The following ELF2 variants were observed in gnomAD, a reference collection of about 807,000 sequenced individuals.
The protein encoded by ELF2 is E74 like ETS transcription factor 2.
Under a neutral mutation model 54.8 loss-of-function variants are expected in ELF2, and 11 were observed. The observed-to-expected ratio is 0.20, with a 90% CI of 0.13 to 0.33. The LOEUF is 0.33. ELF2 is among the 10% of genes least tolerant of loss of function. The pLI, the probability that ELF2 is intolerant of heterozygous loss-of-function variation, is 1.00. For missense variants in ELF2, 513 were observed against 703.0 expected (o/e 0.73, Z 3.06); for synonymous variants, 203 against 245.1 (o/e 0.83, Z 1.61).
intron 7 of ELF2, chr4:139,066,756 G>A (rs891605583): frequency 4.0e-5 from 6 of 151,758 alleles, no homozygotes; most frequent in African/African-American, 1.2e-4. Flanking sequence ...AGCTGGGTGC[G>A]GTGGTGTGTG....
chr4:139,135,808 C>T (rs1307420711), intron 3 of ELF2, among the ~76,000 whole-genome samples: 1 of 152,158 alleles, frequency 6.6e-6, no homozygotes, highest in Non-Finnish European at 1.5e-5. Context: ...TATAAGACTA[C>T]CACATAAATC....
chr4:139,176,520 T>C (rs1216760908), intron 1 of ELF2, among the ~76,000 whole-genome samples: 1 of 150,920 alleles, frequency 6.6e-6, no homozygotes, highest in Non-Finnish European at 1.5e-5. Flanking sequence ...CAGGACGCGC[T>C]TCCTCCGGAG....
intron 1 of ELF2, among the ~76,000 whole-genome samples, chr4:139,142,574 C>T (rs866262711): frequency 6.6e-6 from 1 of 152,066 alleles, no homozygotes; most frequent in Non-Finnish European, 1.5e-5. Context: ...ACAGCAGAAA[C>T]GGGGGTCAGT....
At chr4:139,157,496 G>C (rs1740668890) in intron 1 of ELF2, among the ~76,000 whole-genome samples, 1 of 152,018 alleles carries the variant, frequency 6.6e-6, no homozygotes, top group South Asian at 2.1e-4. Flanking sequence ...CAACCTCCTG[G>C]GCTCAAGCAA....
intron 1 of ELF2, among the ~76,000 whole-genome samples, chr4:139,149,938 T>C (rs1366485954): frequency 3.3e-5 from 5 of 152,274 alleles, no homozygotes; most frequent in Middle Eastern, 3.4e-3. Context: ...CTCACACCTC[T>C]AGTCACAGCA....
intron 4 of ELF2, among the ~76,000 whole-genome samples, chr4:139,106,655 A>G (rs1464615294): frequency 6.6e-6 from 1 of 151,724 alleles, no homozygotes. Context: ...TATATCTGTC[A>G]CTAGATCTCA....
At chr4:139,121,836 CTA>C (rs1213246408) in intron 4 of ELF2, among the ~76,000 whole-genome samples, 2 of 152,154 alleles carry the variant, frequency 1.3e-5, no homozygotes, top group African/African-American at 2.4e-5. Flanking sequence ...TTGGTTTCTC[CTA>C]TACAATTTAA....
intron 2 of ELF2, 45 bp downstream of exon 2, chr4:139,139,368 C>CTA: frequency 1.0e-6 from 1 of 998,720 alleles, no homozygotes; most frequent in Admixed American, 4.3e-5. Flanking sequence ...ATATAAGGTA[C>CTA]TATTCCCAAT....
At chr4:139,174,220 AAAG>A (rs1318513775) in intron 1 of ELF2, among the ~76,000 whole-genome samples, 8 of 150,174 alleles carry the variant, frequency 5.3e-5, no homozygotes, top group Non-Finnish European at 5.9e-5. Flanking sequence ...AAAAAAAAAA[AAAG>A]AAAGAAAGAA....
chr4:139,169,784 G>A (rs1308571220), intron 1 of ELF2, among the ~76,000 whole-genome samples: 1 of 151,682 alleles, frequency 6.6e-6, no homozygotes, highest in Non-Finnish European at 1.5e-5. Context: ...GTGAACCCGG[G>A]AGGCGGAGCT....
intron 4 of ELF2, among the ~76,000 whole-genome samples, chr4:139,086,306 C>T (rs1439261272): frequency 1.3e-5 from 2 of 151,932 alleles, no homozygotes; most frequent in African/African-American, 4.8e-5. Flanking sequence ...GTCAAGAAAA[C>T]CGTAAGAAAA....
At chr4:139,175,957 C>T (rs995343592) in intron 1 of ELF2, among the ~76,000 whole-genome samples, 4 of 152,112 alleles carry the variant, frequency 2.6e-5, no homozygotes, top group African/African-American at 9.7e-5. Flanking sequence ...CTTGGTGTCA[C>T]GGAATATTTT....
At chr4:139,090,610 C>T (rs1732462388) in intron 4 of ELF2, among the ~76,000 whole-genome samples, 1 of 152,082 alleles carries the variant, frequency 6.6e-6, no homozygotes, top group Non-Finnish European at 1.5e-5. Flanking sequence ...CTTTTTTATT[C>T]TTGAGACAGG....
Position 139,137,630 on chromosome 4 carries a change from C to T in ELF2, c.72G>A (p.Glu24=). 1 of 1,613,558 alleles carries T rather than the reference C, an allele frequency of 6.2e-7. No individual in the cohort carries two copies. The highest frequency in any genetic ancestry group is 2.2e-5 in the East Asian group (1 of 44,842). ...ELSSNGVENQ[E]ESEKVSEYPA... is the part of the protein sequence containing the mutation. ...AAATGTAATTCATTGAATGCCTAAC[C>T]TCTTGATTTTCTACTCCATTGCTGG... The change falls in exon 3 of 10, where the codon GAG becomes GAA. Residue 24 remains glutamate (E), a splice_region_variant and synonymous_variant. Transcript: ENST00000686138.
chr4:139,117,394 T>C (rs567504580), intron 4 of ELF2, among the ~76,000 whole-genome samples: 7 of 152,214 alleles, frequency 4.6e-5, no homozygotes, highest in Admixed American at 6.5e-5. Flanking sequence ...TTCCAATTTT[T>C]TCCATTAAGC....
At chr4:139,151,048 G>GA (rs1231430491) in intron 1 of ELF2, among the ~76,000 whole-genome samples, 1 of 81,680 alleles carries the variant, frequency 1.2e-5, no homozygotes, top group African/African-American at 3.6e-5. Flanking sequence ...AAGAAAGAAA[G>GA]AAAGAAAGAA....
At chr4:139,160,932 C>G (rs1741071857) in intron 1 of ELF2, among the ~76,000 whole-genome samples, 1 of 151,984 alleles carries the variant, frequency 6.6e-6, no homozygotes, top group Non-Finnish European at 1.5e-5. Context: ...CACTGCAGTC[C>G]AGCTTCGGCA....
At chr4:139,108,911 C>T (rs1734685250) in intron 4 of ELF2, among the ~76,000 whole-genome samples, 1 of 152,140 alleles carries the variant, frequency 6.6e-6, no homozygotes, top group Non-Finnish European at 1.5e-5. Flanking sequence ...AGTATGCTTC[C>T]TGCCCCGTGT....
At chr4:139,158,449 T>G (rs1172829192) in intron 1 of ELF2, among the ~76,000 whole-genome samples, 4 of 152,068 alleles carry the variant, frequency 2.6e-5, no homozygotes, top group Admixed American at 2.6e-4. Flanking sequence ...CGAAAATTTT[T>G]GGAGGTGGTA....
Sources: allele counts gnomAD v4.1 joint callset (sites outside exome capture counted in the v4.1 genomes callset), GRCh38; gene constraint gnomAD v4.1.1; transcripts MANE v1.5; gene names NCBI Gene and HGNC (gene_info 2026-07-23, HGNC 2026-07-21).